Variants in CTPS2 observed in about 807,000 individuals in gnomAD.
CTPS2 encodes the protein CTP synthase 2, also known as CTP synthase II.
A neutral mutation model predicts 46.8 loss-of-function variants in CTPS2; 19 were observed. The ratio of observed to expected loss-of-function variants is 0.41; its 90% confidence interval spans 0.28 to 0.60. CTPS2 has a LOEUF of 0.60. Ranked by LOEUF, CTPS2 falls within the 20% of genes least tolerant of loss-of-function variation. CTPS2 has a pLI of 0.35. For missense variants in CTPS2, 286 were observed against 447.6 expected, an observed-to-expected ratio of 0.64 and a Z score of 3.26; for synonymous variants, 151 against 165.2, an observed-to-expected ratio of 0.91 and a Z score of 0.66.
At chrX:16,646,928 A>G (rs2147255173) in intron 13 of CTPS2, among the ~76,000 whole-genome samples, 1 of 111,875 alleles carries the variant, frequency 8.9e-6, no homozygotes, top group South Asian at 3.8e-4. Flanking sequence ...TTTTCCCATT[A>G]CCACCCTTGT....
intron 4 of CTPS2, among the ~76,000 whole-genome samples, chrX:16,694,419 G>C (rs1437380974): frequency 2.7e-5 from 3 of 111,250 alleles, no homozygotes; most frequent in Non-Finnish European, 5.7e-5. Flanking sequence ...CCTCCTTGGA[G>C]GGCAGACTCT....
intron 9 of CTPS2, 39 bp downstream of exon 9, chrX:16,683,055 G>T: frequency 8.3e-7 from 1 of 1,205,059 alleles, no homozygotes; most frequent in Non-Finnish European, 1.1e-6. Context: ...CTATTGGCAT[G>T]AATTACTGAG....
At chrX:16,684,156 C>T (rs948794945) in intron 8 of CTPS2, among the ~76,000 whole-genome samples, 14 of 111,223 alleles carry the variant, frequency 1.3e-4, no homozygotes, top group African/African-American at 4.2e-4. Flanking sequence ...GCAAACCCTT[C>T]CCCAAACACC....
At chrX:16,706,741 A>G (rs928118945) in intron 1 of CTPS2, among the ~76,000 whole-genome samples, 28 of 110,273 alleles carry the variant, frequency 2.5e-4, no homozygotes, top group African/African-American at 9.3e-4. Flanking sequence ...GGCACTTGTA[A>G]TCCCAGGTAC....
Position 16,693,523 on chromosome X carries a change from G to A in CTPS2, c.439-36C>T, listed in dbSNP as rs781022222. 24 of 897,259 alleles carry A rather than the reference G, an allele frequency of 2.7e-5. No individual in the cohort carries two copies. The South Asian group carries it at 4.8e-4, about 18-fold the overall frequency. 73.9% of individuals were successfully genotyped at this position (897,259 alleles called of 1,213,427 possible). On this transcript the variant is annotated intron_variant, in intron 4 of 18. Coordinates refer to ENST00000359276, the MANE Select transcript of CTPS2 (RefSeq NM_175859.3). ...AAAACAAACAAAAAAAGACACAAAT[G>A]ACCACACATCTCCCACAGTACACAA... is the stretch of plus-strand genomic sequence containing the variant.
intron 14 of CTPS2, among the ~76,000 whole-genome samples, chrX:16,637,401 T>C (rs1931809434): frequency 9.0e-6 from 1 of 111,371 alleles, no homozygotes; most frequent in African/African-American, 3.3e-5. Context: ...GTATTTTTTG[T>C]AGAGGCAGGG....
intron 16 of CTPS2, among the ~76,000 whole-genome samples, chrX:16,611,190 C>A (rs184932412): frequency 8.9e-6 from 1 of 112,072 alleles, no homozygotes; most frequent in East Asian, 2.8e-4. Context: ...GTAACTCATG[C>A]CTGTAATCCC....
chrX:16,658,084 C>A (rs1932861765), intron 13 of CTPS2, among the ~76,000 whole-genome samples: 1 of 109,662 alleles, frequency 9.1e-6, no homozygotes, highest in Non-Finnish European at 1.9e-5. Flanking sequence ...CGCACACCTA[C>A]AATCCCAGTT....
At position 16,679,250 on chromosome X, in the gene CTPS2, C is replaced by T. The variant is rs7063789; in HGVS notation, c.1006-800G>A. Among the ~76,000 whole-genome samples the T allele has an allele frequency of 9.2e-3, 1,017 of 110,725 alleles. 10 individuals carry two copies. Among genetic ancestry groups the T allele is most frequent in the African/African-American group, 0.031 (952 of 30,455 alleles). ...GCAGGTGCCTGTAATCTCAGCTACTCGGGAGGCTGAGGCAGAAGAATCACA... is the reference window on the plus strand; with the variant it reads ...GCAGGTGCCTGTAATCTCAGCTACTTGGGAGGCTGAGGCAGAAGAATCACA... On this transcript the variant is annotated intron_variant, in intron 9 of 18. Transcript: ENST00000359276.
At chrX:16,615,918 C>G (rs922662985) in intron 16 of CTPS2, among the ~76,000 whole-genome samples, 5 of 112,213 alleles carry the variant, frequency 4.5e-5, no homozygotes, top group African/African-American at 1.6e-4. Flanking sequence ...CCTTTCTACC[C>G]CTAAACTGTG....
intron 8 of CTPS2, among the ~76,000 whole-genome samples, chrX:16,687,354 G>A (rs975665718): frequency 9.4e-6 from 1 of 106,644 alleles, no homozygotes; most frequent in South Asian, 4.1e-4. Flanking sequence ...GCGCACCTGT[G>A]GTCCCAGCTA....
chrX:16,702,141 G>A (rs766631198), intron 2 of CTPS2, among the ~76,000 whole-genome samples: 174 of 110,648 alleles, frequency 1.6e-3, no homozygotes, highest in African/African-American at 5.5e-3. Context: ...TGCAACCTCC[G>A]CCTGCCAGGT....
At chrX:16,680,353 G>A (rs1413801406) in intron 9 of CTPS2, among the ~76,000 whole-genome samples, 1 of 110,487 alleles carries the variant, frequency 9.1e-6, no homozygotes, top group Non-Finnish European at 1.9e-5. Context: ...AAGGCCAGGA[G>A]TTTAAGACCA....
At chrX:16,684,230 C>G (rs990943967) in intron 8 of CTPS2, among the ~76,000 whole-genome samples, 2 of 111,012 alleles carry the variant, frequency 1.8e-5, no homozygotes, top group Non-Finnish European at 3.8e-5. Flanking sequence ...AAAGAGTGGC[C>G]GGGCACGGTG....
chrX:16,698,314 A>G lies in CTPS2; in HGVS notation c.360T>C (p.Ala120=), dbSNP rs1399666437. Residue 120 remains alanine (A), a synonymous_variant, in exon 4 of 19, where the codon GCT becomes GCC. Coordinates refer to ENST00000359276, the MANE Select transcript of CTPS2 (RefSeq NM_175859.3). ...CTTGATTCATAACCCACTCCTGGAC[A>G]GCATCAGTAATGTGAGGGACAACTG... ...TVQVVPHITD[A]VQEWVMNQAK... 3.3e-6 allele frequency: 4 copies of G among 1,194,780 alleles called. No individual in the cohort carries two copies. The African/African-American group carries it at 7.0e-5, about 21-fold the overall frequency.
chrX:16,661,439 C>T (rs1221927718), intron 13 of CTPS2, among the ~76,000 whole-genome samples: 1 of 112,034 alleles, frequency 8.9e-6, no homozygotes, highest in African/African-American at 3.2e-5. Flanking sequence ...AGTGGGCCAT[C>T]TGGTTTGTTT....
At chrX:16,712,041 G>A (rs781409935) in intron 1 of CTPS2, 1 of 111,066 alleles carries the variant, frequency 9.0e-6, no homozygotes, top group South Asian at 3.7e-4. Flanking sequence ...GGGCGGAGGC[G>A]GGAAGAAGCG....
chrX:16,688,784 A>AACAAC (rs1923451067), intron 8 of CTPS2, among the ~76,000 whole-genome samples: 3 of 110,932 alleles, frequency 2.7e-5, no homozygotes, highest in African/African-American at 9.8e-5. Flanking sequence ...AACAAAACAA[A>AACAAC]AAACCTGTGA....
intron 8 of CTPS2, among the ~76,000 whole-genome samples, chrX:16,685,066 G>A (rs1203342263): frequency 9.0e-6 from 1 of 111,205 alleles, no homozygotes; most frequent in African/African-American, 3.3e-5. Context: ...ACTCCAGCCT[G>A]GGCGACAGAG....
Sources: gnomAD v4.1 joint callset for allele counts (sites outside exome capture counted in the v4.1 genomes callset) on GRCh38, gnomAD v4.1.1 for gene constraint, MANE v1.5 for transcripts, NCBI Gene and HGNC (gene_info 2026-07-23, HGNC 2026-07-21) for gene names.